KY: variants seen among roughly 807,000 people sequenced by gnomAD.
KY encodes kyphoscoliosis peptidase.
KY carries 43 observed loss-of-function variants against 76.1 expected under a neutral mutation model. The ratio of observed to expected loss-of-function variants is 0.57; its 90% CI spans 0.44 to 0.73. KY has a LOEUF of 0.73. Among genes scored for constraint, KY ranks in the 30% least tolerant of loss-of-function variants. The probability of loss-of-function intolerance (pLI) is 0.00; values close to 1 mark genes in which losing one functional copy is unlikely to be tolerated. For synonymous variants in KY, 277 were observed against 326.2 expected (o/e 0.85, Z 1.63); for missense variants, 722 against 828.9 (o/e 0.87, Z 1.58).
intron 10 of KY, chr3:134,607,769 C>T: frequency 1.0e-6 from 1 of 986,038 alleles, no homozygotes; most frequent in Non-Finnish European, 1.2e-6. Flanking sequence ...TCAGCCCAGG[C>T]CAGCCATGGG....
chr3:134,650,893 C>G lies in KY; in HGVS notation c.68G>C (p.Arg23Pro). 6.2e-7 allele frequency: 1 copy of G among 1,613,040 alleles called. No homozygotes were observed. The change falls in exon 1 of 11, where the codon CGG becomes CCG. Residue 23 changes from arginine (R) to proline (P), a missense_variant. Physicochemically the swap from Arg to Pro is moderately radical, Grantham distance 103. Coordinates refer to ENST00000423778, the MANE Select transcript of KY (RefSeq NM_178554.6). ...TGAGAGCGTACCCTGTGCGGCGCGC[C>G]GCTTCTCCGAGTGCACGATCAGCAG... ...DMLLIVHSEK[R>P]RAAQGTLSDQ... is the part of the protein sequence containing the mutation.
intron 6 of KY, among the ~76,000 whole-genome samples, chr3:134,621,712 A>G (rs961831607): frequency 1.8e-4 from 28 of 152,240 alleles, no homozygotes; most frequent in Admixed American, 1.8e-3. Flanking sequence ...AAAAACAGAT[A>G]AAAGGGCATT....
At chr3:134,643,785 A>G (rs1966075317) in intron 2 of KY, among the ~76,000 whole-genome samples, 1 of 150,774 alleles carries the variant, frequency 6.6e-6, no homozygotes, top group African/African-American at 2.4e-5. Context: ...CTGACCTGGG[A>G]CTTGAACCTC....
chr3:134,647,032 T>C lies in KY; in HGVS notation c.199+403A>G, dbSNP rs150006633. On this transcript the variant is annotated intron_variant, in intron 2 of 10. Coordinates refer to ENST00000423778, the MANE Select transcript of KY (RefSeq NM_178554.6). Reference sequence around the variant, plus strand: ...GGAGCTATAGAACCCTTGAGTGGCATCTTCTCAGGCTTCAAGTCATACTGT... The same window carrying C: ...GGAGCTATAGAACCCTTGAGTGGCACCTTCTCAGGCTTCAAGTCATACTGT... Among the ~76,000 whole-genome samples the C allele has an allele frequency of 3.1e-4, 47 of 152,302 alleles. 1 individual carries two copies. In the East Asian group the frequency reaches 8.5e-3, roughly 28 times the overall value.
intron 10 of KY, among the ~76,000 whole-genome samples, chr3:134,605,703 GCT>G (rs1010189218): frequency 6.6e-6 from 1 of 151,322 alleles, no homozygotes; most frequent in Non-Finnish European, 1.5e-5. Context: ...CTGCCGGTCA[GCT>G]CTCTGGCACT....
intron 1 of KY, 66 bp downstream of exon 1, chr3:134,650,759 C>G (rs1966866050): frequency 7.1e-7 from 1 of 1,415,548 alleles, no homozygotes; most frequent in Admixed American, 2.6e-5. Context: ...CCCCGGCGGG[C>G]AGGCCCTTGT....
At chr3:134,626,073 G>A (rs1322637887) in intron 5 of KY, among the ~76,000 whole-genome samples, 1 of 152,226 alleles carries the variant, frequency 6.6e-6, no homozygotes, top group Non-Finnish European at 1.5e-5. Context: ...CTTGGCTCTG[G>A]CAGAGCCTTT....
intron 10 of KY, chr3:134,608,336 G>T (rs1357105343): frequency 3.9e-6 from 5 of 1,288,228 alleles, no homozygotes; most frequent in Non-Finnish European, 5.0e-6. Context: ...TCTGTGACAT[G>T]CCAGGCTGTG....
In KY at chr3:134,602,429, G is replaced by A. The variant is rs1014102985; in HGVS notation, c.*1150C>T. The stretch of plus-strand genomic sequence containing the variant: ...TGGAGGGGGCTGTCTTCTCAGAGAA[G>A]GGAGGAAAGGAGACGGGATAGGATG... On this transcript the variant is annotated 3_prime_UTR_variant, in exon 11 of 11. Transcript: ENST00000423778. Among the ~76,000 whole-genome samples the A allele has an allele frequency of 9.2e-5, 14 of 152,178 alleles. No homozygotes were observed. The highest frequency in any genetic ancestry group is 3.1e-4 in the African/African-American group (13 of 41,432).
chr3:134,634,478 ACAATT>A (rs1964655686), intron 3 of KY, among the ~76,000 whole-genome samples: 1 of 152,244 alleles, frequency 6.6e-6, no homozygotes, highest in Admixed American at 6.5e-5. Flanking sequence ...AAGTGCAAAG[ACAATT>A]CAGTTGGAAA....
chr3:134,638,251 G>A (rs1379728111), intron 3 of KY, among the ~76,000 whole-genome samples: 1 of 152,192 alleles, frequency 6.6e-6, no homozygotes, highest in Non-Finnish European at 1.5e-5. Flanking sequence ...GCATGGAGTG[G>A]AGAGAGTTTG....
intron 3 of KY, among the ~76,000 whole-genome samples, chr3:134,642,864 C>T (rs1473272000): frequency 6.6e-6 from 1 of 152,162 alleles, no homozygotes; most frequent in Non-Finnish European, 1.5e-5. Flanking sequence ...ATCTTGAACA[C>T]ATGACAGCCT....
At chr3:134,607,307 C>T (rs1325785920) in intron 10 of KY, 1 of 985,516 alleles carries the variant, frequency 1.0e-6, no homozygotes, top group Non-Finnish European at 1.2e-6. Flanking sequence ...CAAAGGAAGT[C>T]ATTGTGTGGT....
At chr3:134,637,898 G>C (rs1006215030) in intron 3 of KY, among the ~76,000 whole-genome samples, 2 of 152,222 alleles carry the variant, frequency 1.3e-5, no homozygotes, top group Admixed American at 1.3e-4. Context: ...GCTCATGTTC[G>C]GAGCACGGCC....
At chr3:134,610,649 T>G in intron 8 of KY, 1 of 401,778 alleles carries the variant, frequency 2.5e-6, no homozygotes, top group East Asian at 4.3e-5. Context: ...CCAACACCAT[T>G]CAGATCACTT....
At chr3:134,647,216 G>T (rs552093521) in intron 2 of KY, among the ~76,000 whole-genome samples, 38 of 152,328 alleles carry the variant, frequency 2.5e-4, no homozygotes, top group African/African-American at 8.7e-4. Flanking sequence ...TCCTGGCACT[G>T]CTCTTCAGCC....
Position 134,603,737 on chromosome 3 carries a change from T to C in KY, c.1828A>G (p.Lys610Glu). The change falls in exon 11 of 11, where the codon AAG becomes GAG. Residue 610 changes from lysine to glutamate, a missense_variant. This residue lies in a region of KY where 552 missense variants were observed against 680.9 expected (regional missense o/e 0.81). Coordinates refer to ENST00000423778, the MANE Select transcript of KY (RefSeq NM_178554.6). The part of the protein sequence containing the change: ...KLHGIAKVLV[K>E]GQDTWPLTLN... ...GTCAGGGGCCATGTGTCCTGCCCCTTCACCAGGACTTTGGCAATACCATGC... is the reference window on the plus strand; with the variant it reads ...GTCAGGGGCCATGTGTCCTGCCCCTCCACCAGGACTTTGGCAATACCATGC... 1 of 1,612,468 alleles carries C rather than the reference T, an allele frequency of 6.2e-7. No individual in the cohort carries two copies. The highest frequency in any genetic ancestry group is 2.2e-5 in the East Asian group (1 of 44,822).
intron 2 of KY, among the ~76,000 whole-genome samples, chr3:134,645,028 C>T (rs1162037712): frequency 2.0e-5 from 3 of 152,232 alleles, no homozygotes; most frequent in Non-Finnish European, 4.4e-5. Flanking sequence ...AAACAAGATC[C>T]GGGAAGGGAA....
chr3:134,633,173 A>C (rs1434248329), intron 3 of KY, among the ~76,000 whole-genome samples: 1 of 152,092 alleles, frequency 6.6e-6, no homozygotes, highest in Non-Finnish European at 1.5e-5. Flanking sequence ...AAATTCTAAC[A>C]AACATTTAAA....
Sources: allele counts gnomAD v4.1 joint callset (sites outside exome capture counted in the v4.1 genomes callset), GRCh38; gene constraint gnomAD v4.1.1; regional missense constraint gnomAD v4.1.1; transcripts MANE v1.5; gene names NCBI Gene and HGNC (gene_info 2026-07-23, HGNC 2026-07-21).